IL1RAPL2: variants seen among roughly 807,000 people sequenced by gnomAD.
IL1RAPL2 encodes the protein X-linked interleukin-1 receptor accessory protein-like 2.
IL1RAPL2 carries 3 observed loss-of-function variants against 44.1 expected under a neutral mutation model. That is an observed-to-expected ratio of 0.07 (90% confidence interval 0.03 to 0.18). The LOEUF (loss-of-function observed/expected upper bound fraction) is 0.18. Ranked by LOEUF, IL1RAPL2 falls within the 10% of genes least tolerant of loss-of-function variation. The probability of loss-of-function intolerance (pLI) is 1.00; values close to 1 mark genes in which losing one functional copy is unlikely to be tolerated. For synonymous variants in IL1RAPL2, 181 were observed against 178.8 expected, an observed-to-expected ratio of 1.01 and a Z score of -0.10; for missense variants, 391 against 496.4, an observed-to-expected ratio of 0.79 and a Z score of 2.02.
chrX:105,172,951 T>C (rs754360314), intron 2 of IL1RAPL2, among the ~76,000 whole-genome samples: 1 of 110,668 alleles, frequency 9.0e-6, no homozygotes, highest in African/African-American at 3.3e-5. Flanking sequence ...ACCTTAAACT[T>C]TGGTTGGAGA....
At chrX:105,034,217 C>G (rs1211940240) in intron 2 of IL1RAPL2, among the ~76,000 whole-genome samples, 1 of 112,146 alleles carries the variant, frequency 8.9e-6, no homozygotes, top group Non-Finnish European at 1.9e-5. Context: ...GCCTTCTCCT[C>G]TCAACTCGTC....
At chrX:105,522,912 C>G (rs949493367) in intron 6 of IL1RAPL2, among the ~76,000 whole-genome samples, 20 of 111,008 alleles carry the variant, frequency 1.8e-4, no homozygotes, top group Admixed American at 5.8e-4. Flanking sequence ...AATCACCTTC[C>G]TACTTGGATT....
At chrX:104,615,201 C>G (rs999978452) in intron 1 of IL1RAPL2, among the ~76,000 whole-genome samples, 1 of 111,278 alleles carries the variant, frequency 9.0e-6, no homozygotes, top group Admixed American at 9.6e-5. Flanking sequence ...TCCCTTAGCA[C>G]TTACTTGTCT....
intron 5 of IL1RAPL2, among the ~76,000 whole-genome samples, chrX:105,465,551 G>A (rs970764051): frequency 9.0e-6 from 1 of 111,686 alleles, no homozygotes; most frequent in Admixed American, 9.5e-5. Flanking sequence ...AATGTACTAG[G>A]ATGTTAATAT....
At chrX:105,765,532 T>G (rs1292988091) in intron 10 of IL1RAPL2, among the ~76,000 whole-genome samples, 2 of 112,450 alleles carry the variant, frequency 1.8e-5, no homozygotes, top group Non-Finnish European at 3.7e-5. Flanking sequence ...ACAGATACAG[T>G]CATTGTAACT....
chrX:105,660,454 G>A (rs2037711399), intron 6 of IL1RAPL2, among the ~76,000 whole-genome samples: 1 of 111,209 alleles, frequency 9.0e-6, no homozygotes, highest in Non-Finnish European at 1.9e-5. Flanking sequence ...ACTGCTAATA[G>A]TAAGTACCCA....
intron 2 of IL1RAPL2, among the ~76,000 whole-genome samples, chrX:104,963,012 G>T (rs1305471386): frequency 1.8e-5 from 2 of 111,904 alleles, no homozygotes; most frequent in African/African-American, 3.2e-5. Context: ...CCTGAGAGGG[G>T]CTAATAGTAA....
intron 2 of IL1RAPL2, among the ~76,000 whole-genome samples, chrX:104,987,086 T>C (rs1382900445): frequency 8.9e-6 from 1 of 112,285 alleles, no homozygotes; most frequent in Non-Finnish European, 1.9e-5. Flanking sequence ...TATAGTGATC[T>C]CTGCATTCCC....
At chrX:105,381,292 C>A (rs1025908958) in intron 5 of IL1RAPL2, among the ~76,000 whole-genome samples, 4 of 111,348 alleles carry the variant, frequency 3.6e-5, no homozygotes, top group Non-Finnish European at 5.7e-5. Context: ...TTCTATTATT[C>A]TTTTCAAGTT....
intron 2 of IL1RAPL2, among the ~76,000 whole-genome samples, chrX:104,842,863 C>T (rs768211346): frequency 8.9e-5 from 10 of 112,651 alleles, no homozygotes; most frequent in Non-Finnish European, 1.5e-4. Context: ...TCAGGAGGCA[C>T]GGGGGTCAGG....
chrX:105,565,795 G>C (rs150931480), intron 6 of IL1RAPL2, among the ~76,000 whole-genome samples: 1 of 112,018 alleles, frequency 8.9e-6, no homozygotes, highest in South Asian at 3.7e-4. Context: ...TATTGAATTG[G>C]TGCCAGATTC....
At chrX:104,770,157 CA>C (rs1302259533) in intron 2 of IL1RAPL2, among the ~76,000 whole-genome samples, 1 of 110,777 alleles carries the variant, frequency 9.0e-6, no homozygotes, top group Non-Finnish European at 1.9e-5. Flanking sequence ...CCTTTGAATT[CA>C]CGGGGCCCCT....
At chrX:105,421,559 G>C (rs1216415244) in intron 5 of IL1RAPL2, among the ~76,000 whole-genome samples, 3 of 111,426 alleles carry the variant, frequency 2.7e-5, no homozygotes, top group African/African-American at 9.8e-5. Context: ...TAGGTCCTGA[G>C]TTATTAGGAA....
chrX:105,456,941 T>C (rs2036059209), intron 5 of IL1RAPL2, among the ~76,000 whole-genome samples: 1 of 109,868 alleles, frequency 9.1e-6, no homozygotes, highest in Admixed American at 9.9e-5. Context: ...TATTCTAAGG[T>C]TGGTGGAGTA....
intron 4 of IL1RAPL2, among the ~76,000 whole-genome samples, chrX:105,265,741 A>AATGT (rs2034396849): frequency 9.1e-6 from 1 of 110,244 alleles, no homozygotes; most frequent in African/African-American, 3.4e-5. Flanking sequence ...AAGAAAAAAA[A>AATGT]TGTTATGAAA....
chrX:105,494,355 GA>G (rs2036341906), intron 6 of IL1RAPL2, among the ~76,000 whole-genome samples: 1 of 111,672 alleles, frequency 9.0e-6, no homozygotes, highest in Non-Finnish European at 1.9e-5. Flanking sequence ...GGAAAAAATA[GA>G]ATTATTTATG....
At chrX:104,676,469 A>G (rs1324103447) in intron 2 of IL1RAPL2, among the ~76,000 whole-genome samples, 129 of 111,742 alleles carry the variant, frequency 1.2e-3, no homozygotes, top group African/African-American at 1.5e-3. Context: ...TGAGAGATCC[A>G]CTGTTAGTCT....
At chrX:105,437,405 A>G (rs1434191807) in intron 5 of IL1RAPL2, among the ~76,000 whole-genome samples, 1 of 111,249 alleles carries the variant, frequency 9.0e-6, no homozygotes, top group Non-Finnish European at 1.9e-5. Flanking sequence ...AGTAATAAAG[A>G]GTTTCAAAAT....
intron 2 of IL1RAPL2, among the ~76,000 whole-genome samples, chrX:104,768,333 A>G (rs905969695): frequency 2.7e-5 from 3 of 111,045 alleles, no homozygotes; most frequent in African/African-American, 9.8e-5. Context: ...CACCCTAATT[A>G]TTTTCTACAT....
Sources: allele counts gnomAD v4.1 joint callset (sites outside exome capture counted in the v4.1 genomes callset), GRCh38; gene constraint gnomAD v4.1.1; transcripts MANE v1.5; gene names NCBI Gene and HGNC (gene_info 2026-07-23, HGNC 2026-07-21).